Variants in CLSTN2 observed in about 807,000 individuals in gnomAD.
CLSTN2 encodes calsyntenin 2.
In CLSTN2, 48 loss-of-function variants were observed where a neutral mutation model predicts 101.2. The ratio of observed to expected loss-of-function variants is 0.47; its 90% CI spans 0.38 to 0.60. The LOEUF (loss-of-function observed/expected upper bound fraction) is 0.60, where lower values mean the gene tolerates loss of function less well. Ranked by LOEUF, CLSTN2 falls within the 20% of genes least tolerant of loss-of-function variation. The pLI, the probability that CLSTN2 is intolerant of heterozygous loss-of-function variation, is 0.00. For missense variants in CLSTN2, 1,160 were observed against 1,238.2 expected, an observed-to-expected ratio of 0.94 and a Z score of 0.95; for synonymous variants, 481 against 463.6, an observed-to-expected ratio of 1.04 and a Z score of -0.48.
intron 2 of CLSTN2, among the ~76,000 whole-genome samples, chr3:140,350,417 G>T (rs1339535983): frequency 6.6e-6 from 1 of 152,226 alleles, no homozygotes; most frequent in Non-Finnish European, 1.5e-5. Context: ...AAGTCAAAGA[G>T]TGAGGAATTA....
intron 1 of CLSTN2, among the ~76,000 whole-genome samples, chr3:140,170,215 C>G (rs577034439): frequency 6.6e-6 from 1 of 152,208 alleles, no homozygotes; most frequent in African/African-American, 2.4e-5. Flanking sequence ...GATCATTTGA[C>G]CACTAAAAAG....
chr3:140,529,729 C>T (rs973720033), intron 8 of CLSTN2, among the ~76,000 whole-genome samples: 13 of 152,140 alleles, frequency 8.5e-5, no homozygotes, highest in Non-Finnish European at 1.3e-4. Context: ...ATTGTTTAGA[C>T]GCCCAATTAG....
chr3:140,182,869 T>C (rs950916772), intron 2 of CLSTN2, among the ~76,000 whole-genome samples: 2 of 152,058 alleles, frequency 1.3e-5, no homozygotes, highest in African/African-American at 4.8e-5. Context: ...CATACACAGC[T>C]CCTCCTGTGC....
chr3:139,969,785 G>T (rs887803045), intron 1 of CLSTN2, among the ~76,000 whole-genome samples: 3 of 152,148 alleles, frequency 2.0e-5, no homozygotes, highest in African/African-American at 7.2e-5. Flanking sequence ...CTCTCCAAAA[G>T]CAACCATCAC....
intron 1 of CLSTN2, among the ~76,000 whole-genome samples, chr3:139,974,068 G>T (rs1017186710): frequency 3.9e-5 from 6 of 152,202 alleles, no homozygotes; most frequent in African/African-American, 1.4e-4. Context: ...GGAACTTAGG[G>T]TGGAAACTGC....
chr3:140,148,519 C>A (rs1428150958), intron 1 of CLSTN2, among the ~76,000 whole-genome samples: 1 of 152,062 alleles, frequency 6.6e-6, no homozygotes, highest in Non-Finnish European at 1.5e-5. Context: ...TCATAATGAC[C>A]CACTAATGTA....
chr3:140,120,219 C>T (rs948436309), intron 1 of CLSTN2, among the ~76,000 whole-genome samples: 1 of 152,152 alleles, frequency 6.6e-6, no homozygotes, highest in Non-Finnish European at 1.5e-5. Context: ...ACCCAACCCA[C>T]TTCAATTTGG....
At chr3:140,326,834 A>T (rs1035099049) in intron 2 of CLSTN2, among the ~76,000 whole-genome samples, 3 of 152,182 alleles carry the variant, frequency 2.0e-5, no homozygotes, top group African/African-American at 4.8e-5. Flanking sequence ...ACATTTTCCA[A>T]AAGTGCCCTC....
At chr3:139,983,335 C>T (rs541471574) in intron 1 of CLSTN2, among the ~76,000 whole-genome samples, 1 of 152,252 alleles carries the variant, frequency 6.6e-6, no homozygotes, top group African/African-American at 2.4e-5. Flanking sequence ...AATCTAACCA[C>T]ATTAAAATCT....
intron 8 of CLSTN2, among the ~76,000 whole-genome samples, chr3:140,509,411 A>G (rs1934754762): frequency 6.6e-6 from 1 of 152,076 alleles, no homozygotes; most frequent in Non-Finnish European, 1.5e-5. Flanking sequence ...TGGAGAGTGA[A>G]TTTATAGCAA....
intron 2 of CLSTN2, among the ~76,000 whole-genome samples, chr3:140,233,902 T>G (rs572840594): frequency 7.6e-4 from 116 of 152,346 alleles, no homozygotes; most frequent in Non-Finnish European, 1.6e-3. Flanking sequence ...TCATAAAGTT[T>G]TATTGGAACA....
At chr3:140,172,693 C>T (rs1249016400) in intron 1 of CLSTN2, among the ~76,000 whole-genome samples, 1 of 152,106 alleles carries the variant, frequency 6.6e-6, no homozygotes, top group Non-Finnish European at 1.5e-5. Context: ...GCTGGGGAAG[C>T]CTCACAATAA....
chr3:140,144,032 A>T (rs1190770870), intron 1 of CLSTN2, among the ~76,000 whole-genome samples: 1 of 152,242 alleles, frequency 6.6e-6, no homozygotes, highest in Non-Finnish European at 1.5e-5. Context: ...CTTCAAGATC[A>T]TCATTTCCAG....
At position 140,334,698 on chromosome 3, in the gene CLSTN2, C is replaced by T. The variant is rs566476175; in HGVS notation, c.233-68931C>T. ...GGTCACTAATTTATCCCAGAGCAAT[C>T]AAGAAAGCTTCACAGAGGAGGGGGG... On this transcript the variant is annotated intron_variant, in intron 2 of 16. Transcript: ENST00000458420. Among the ~76,000 whole-genome samples, 53 of 152,298 alleles carry T rather than the reference C, an allele frequency of 3.5e-4. 1 individual carries two copies. Among genetic ancestry groups the T allele is most frequent in the South Asian group, 1.0e-3 (5 of 4,818 alleles).
chr3:140,386,030 C>T (rs1277401294), intron 2 of CLSTN2, among the ~76,000 whole-genome samples: 1 of 152,200 alleles, frequency 6.6e-6, no homozygotes, highest in East Asian at 1.9e-4. Context: ...ACATGAGTTT[C>T]ACCTTCAGCA....
At chr3:140,057,409 A>G (rs1260259052) in intron 1 of CLSTN2, among the ~76,000 whole-genome samples, 1 of 152,112 alleles carries the variant, frequency 6.6e-6, no homozygotes, top group Non-Finnish European at 1.5e-5. Flanking sequence ...TTTCATAGCC[A>G]TCTCTCTGCA....
At chr3:140,261,079 T>C (rs573176657) in intron 2 of CLSTN2, among the ~76,000 whole-genome samples, 11 of 152,198 alleles carry the variant, frequency 7.2e-5, no homozygotes, top group Non-Finnish European at 1.3e-4. Flanking sequence ...CTCCTCGCTA[T>C]AAAGTTACTC....
intron 1 of CLSTN2, among the ~76,000 whole-genome samples, chr3:139,985,058 C>G (rs1935999609): frequency 6.6e-6 from 1 of 152,212 alleles, no homozygotes; most frequent in Non-Finnish European, 1.5e-5. Context: ...CTGCCACAAG[C>G]AAGCGCACAC....
intron 2 of CLSTN2, among the ~76,000 whole-genome samples, chr3:140,209,839 A>G (rs749590382): frequency 2.6e-5 from 4 of 152,160 alleles, no homozygotes; most frequent in African/African-American, 7.2e-5. Context: ...CAGTGGTTCA[A>G]TTCTGAAGTG....
Sources: allele counts gnomAD v4.1 joint callset (sites outside exome capture counted in the v4.1 genomes callset), GRCh38; gene constraint gnomAD v4.1.1; transcripts MANE v1.5; gene names NCBI Gene and HGNC (gene_info 2026-07-23, HGNC 2026-07-21).